The following CLASP1 variants were observed in gnomAD, a reference collection of about 807,000 sequenced individuals.
CLASP1 encodes the protein cytoplasmic linker associated protein 1.
CLASP1 carries 38 observed loss-of-function variants against 192.3 expected under a neutral mutation model. That is an observed-to-expected ratio of 0.20 (90% CI 0.15 to 0.26). The LOEUF is 0.26. CLASP1 is among the 10% of genes least tolerant of loss of function. The probability of loss-of-function intolerance (pLI) is 1.00; values close to 1 mark genes in which losing one functional copy is unlikely to be tolerated. For synonymous variants in CLASP1, 691 were observed against 712.8 expected (o/e 0.97, Z 0.49); for missense variants, 1,433 against 1,932.5 (o/e 0.74, Z 4.85).
At chr2:121,382,384 G>T in intron 32 of CLASP1, 60 bp from the exon 34 acceptor site, 1 of 1,058,222 alleles carries the variant, frequency 9.4e-7, no homozygotes. Flanking sequence ...GGGGAGGGGA[G>T]GAGGAAAGCA....
intron 2 of CLASP1, among the ~76,000 whole-genome samples, chr2:121,543,413 C>T (rs1450541328): frequency 3.3e-5 from 5 of 152,168 alleles, no homozygotes; most frequent in Non-Finnish European, 4.4e-5. Context: ...CTCTCTCATC[C>T]AGATACATCC....
At chr2:121,530,530 T>G (rs1266026359) in intron 2 of CLASP1, 1 of 553,384 alleles carries the variant, frequency 1.8e-6, no homozygotes, top group African/African-American at 1.9e-5. Context: ...TGGAAAATAC[T>G]CGGTGAGGAG....
intron 8 of CLASP1, among the ~76,000 whole-genome samples, chr2:121,482,171 G>A (rs1463953378): frequency 6.6e-6 from 1 of 152,188 alleles, no homozygotes; most frequent in East Asian, 1.9e-4. Flanking sequence ...TACAGCGAGA[G>A]AGAACAAATT....
chr2:121,546,015 A>G (rs78765586), intron 2 of CLASP1, among the ~76,000 whole-genome samples: 5,850 of 152,308 alleles, frequency 0.038, 159 homozygotes, highest in East Asian at 0.14. Flanking sequence ...GGCATGCTTT[A>G]CATGCAATGC....
chr2:121,554,289 G>A (rs1383347052), intron 2 of CLASP1, among the ~76,000 whole-genome samples: 1 of 151,966 alleles, frequency 6.6e-6, no homozygotes, highest in Non-Finnish European at 1.5e-5. Context: ...TGACATAGAT[G>A]AAGCATGAAA....
chr2:121,466,588 C>T (rs2089639617), intron 9 of CLASP1, among the ~76,000 whole-genome samples: 1 of 152,172 alleles, frequency 6.6e-6, no homozygotes, highest in Non-Finnish European at 1.5e-5. Context: ...CTAAGAGCAG[C>T]ACCTACACAA....
intron 8 of CLASP1, among the ~76,000 whole-genome samples, chr2:121,474,351 T>C (rs2091292278): frequency 6.6e-6 from 1 of 152,194 alleles, no homozygotes; most frequent in Non-Finnish European, 1.5e-5. Context: ...TTGTCTAAAT[T>C]GCCTGAAGAT....
intron 2 of CLASP1, among the ~76,000 whole-genome samples, chr2:121,594,491 C>G (rs1444218365): frequency 6.6e-6 from 1 of 151,054 alleles, no homozygotes; most frequent in East Asian, 2.0e-4. Context: ...CTCCCGGGTT[C>G]ACACCATTCT....
chr2:121,363,503 AC>A (rs2066798676), intron 36 of CLASP1, among the ~76,000 whole-genome samples: 1 of 152,200 alleles, frequency 6.6e-6, no homozygotes, highest in Admixed American at 6.5e-5. Context: ...GAAGGCAGGC[AC>A]TGTGCCTTAG....
At chr2:121,577,893 A>G (rs2060685101) in intron 2 of CLASP1, among the ~76,000 whole-genome samples, 1 of 152,124 alleles carries the variant, frequency 6.6e-6, no homozygotes, top group African/African-American at 2.4e-5. Flanking sequence ...TGGGCAACAC[A>G]GACGACCCTA....
chr2:121,490,877 GGA>G (rs1253781927), intron 8 of CLASP1, among the ~76,000 whole-genome samples: 1 of 152,180 alleles, frequency 6.6e-6, no homozygotes, highest in Non-Finnish European at 1.5e-5. Context: ...ACAAGCACTG[GGA>G]GAGAGTGTGA....
At chr2:121,615,151 C>T (rs919240657) in intron 1 of CLASP1, among the ~76,000 whole-genome samples, 3 of 151,814 alleles carry the variant, frequency 2.0e-5, no homozygotes, top group African/African-American at 7.3e-5. Flanking sequence ...ACCAGCCTGG[C>T]CAACATGGCA....
chr2:121,585,835 G>A lies in CLASP1; in HGVS notation c.195+19866C>T, dbSNP rs139164701. On this transcript the variant is annotated intron_variant, in intron 2 of 39. Coordinates refer to ENST00000263710, the Ensembl canonical transcript of CLASP1. ...TCGCTTGAACCCAGGAGGCAGAGGC[G>A]GTTGCAGTGAGCCGAGATCGTGCCA... 3.2e-3 allele frequency among the ~76,000 whole-genome samples: 485 copies of A among 151,412 alleles called. 2 individuals are homozygous for A. The highest frequency in any genetic ancestry group is 5.5e-3 in the Non-Finnish European group (375 of 67,852).
chr2:121,582,054 G>C (rs13010367), intron 2 of CLASP1, among the ~76,000 whole-genome samples: 1 of 151,448 alleles, frequency 6.6e-6, no homozygotes, highest in Admixed American at 6.6e-5. Flanking sequence ...TCCCAGCTAC[G>C]TGGGAGGCTG....
intron 2 of CLASP1, among the ~76,000 whole-genome samples, chr2:121,536,850 TG>T: frequency 6.6e-6 from 1 of 152,338 alleles, no homozygotes; most frequent in Non-Finnish European, 1.5e-5. Context: ...AAAAACATTA[TG>T]GAAAGAGACG....
At chr2:121,449,768 C>T (rs879727276) in intron 16 of CLASP1, among the ~76,000 whole-genome samples, 1 of 152,052 alleles carries the variant, frequency 6.6e-6, no homozygotes, top group Non-Finnish European at 1.5e-5. Flanking sequence ...TTATAATAAG[C>T]TCAGAAACAA....
chr2:121,468,560 G>T (rs910454677), intron 9 of CLASP1, among the ~76,000 whole-genome samples: 1 of 152,020 alleles, frequency 6.6e-6, no homozygotes, highest in Non-Finnish European at 1.5e-5. Context: ...ATTCATTCAC[G>T]ATTTGGCTCT....
At chr2:121,570,630 G>C (rs2059902223) in intron 2 of CLASP1, among the ~76,000 whole-genome samples, 1 of 152,230 alleles carries the variant, frequency 6.6e-6, no homozygotes. Context: ...GAGAGGGTGA[G>C]TGTATCAATA....
At chr2:121,404,125 C>G (rs1458324274) in intron 26 of CLASP1, among the ~76,000 whole-genome samples, 1 of 152,118 alleles carries the variant, frequency 6.6e-6, no homozygotes. Flanking sequence ...TAAGAAAGAC[C>G]ATCTGATTCT....
Sources: gnomAD v4.1 joint callset for allele counts (sites outside exome capture counted in the v4.1 genomes callset) on GRCh38, gnomAD v4.1.1 for gene constraint, MANE v1.5 for transcripts, NCBI Gene and HGNC (gene_info 2026-07-23, HGNC 2026-07-21) for gene names.